Variants in LHFPL3 observed in about 807,000 individuals in gnomAD.
LHFPL3 encodes LHFPL tetraspan subfamily member 3 protein.
A neutral mutation model predicts 19.3 loss-of-function variants in LHFPL3; 5 were observed. The ratio of observed to expected loss-of-function variants is 0.26; its 90% confidence interval spans 0.14 to 0.54. The LOEUF is 0.54. Among genes scored for constraint, LHFPL3 ranks in the 20% least tolerant of loss-of-function variants. LHFPL3 has a pLI of 0.94. For missense variants in LHFPL3, 249 were observed against 307.4 expected, an observed-to-expected ratio of 0.81 and a Z score of 1.42; for synonymous variants, 133 against 126.2, an observed-to-expected ratio of 1.05 and a Z score of -0.36.
chr7:104,445,001 AG>A (rs1792302946), intron 1 of LHFPL3, among the ~76,000 whole-genome samples: 1 of 151,968 alleles, frequency 6.6e-6, no homozygotes, highest in Admixed American at 6.6e-5. Flanking sequence ...AAAAAAAAAA[AG>A]AATATTTATC....
At chr7:104,658,349 C>T (rs1016833231) in intron 1 of LHFPL3, among the ~76,000 whole-genome samples, 5 of 152,140 alleles carry the variant, frequency 3.3e-5, no homozygotes, top group Non-Finnish European at 7.4e-5. Context: ...CTTTCTTTCT[C>T]TCTCTTTTTT....
chr7:104,677,882 G>A (rs914665213), intron 1 of LHFPL3, among the ~76,000 whole-genome samples: 1 of 152,210 alleles, frequency 6.6e-6, no homozygotes, highest in African/African-American at 2.4e-5. Flanking sequence ...GGGAAACTGA[G>A]TTTTAATTTT....
At chr7:104,875,203 G>A (rs1024128083) in intron 2 of LHFPL3, among the ~76,000 whole-genome samples, 21 of 151,682 alleles carry the variant, frequency 1.4e-4, no homozygotes, top group Non-Finnish European at 2.9e-4. Context: ...TGTTTCATAA[G>A]ATGAAATGCT....
At chr7:104,489,334 C>T (rs1235353226) in intron 1 of LHFPL3, among the ~76,000 whole-genome samples, 1 of 36,570 alleles carries the variant, frequency 2.7e-5, no homozygotes, top group African/African-American at 6.6e-5. Flanking sequence ...CCGCCCGCCT[C>T]GGCCTCCCAA....
intron 1 of LHFPL3, among the ~76,000 whole-genome samples, chr7:104,554,061 G>C (rs957724412): frequency 2.6e-5 from 4 of 152,148 alleles, no homozygotes; most frequent in African/African-American, 9.7e-5. Context: ...TGTCAGTAAA[G>C]AACTTCCGAT....
chr7:104,777,729 G>A (rs116447313), intron 2 of LHFPL3, among the ~76,000 whole-genome samples: 5 of 152,136 alleles, frequency 3.3e-5, no homozygotes, highest in Admixed American at 6.5e-5. Flanking sequence ...TACAATGCTC[G>A]GTTCAGTTGC....
intron 1 of LHFPL3, among the ~76,000 whole-genome samples, chr7:104,672,361 T>A (rs1479165229): frequency 6.6e-6 from 1 of 152,196 alleles, no homozygotes; most frequent in African/African-American, 2.4e-5. Flanking sequence ...AGGTTTCCCC[T>A]TTTGGGAACT....
chr7:104,724,738 A>G (rs1219722244), intron 1 of LHFPL3, among the ~76,000 whole-genome samples: 1 of 152,104 alleles, frequency 6.6e-6, no homozygotes, highest in African/African-American at 2.4e-5. Flanking sequence ...AAACCTCCAC[A>G]TGTACCCCTG....
intron 2 of LHFPL3, among the ~76,000 whole-genome samples, chr7:104,837,810 T>C (rs1791126589): frequency 6.6e-6 from 1 of 152,152 alleles, no homozygotes; most frequent in South Asian, 2.1e-4. Context: ...GCTGCCACAT[T>C]CCAGTGCCAT....
intron 1 of LHFPL3, among the ~76,000 whole-genome samples, chr7:104,647,497 G>T (rs1215640939): frequency 6.6e-6 from 1 of 152,202 alleles, no homozygotes; most frequent in Admixed American, 6.5e-5. Flanking sequence ...TCTTCCTGTT[G>T]TTGCATTGGT....
At chr7:104,858,703 T>G (rs73184007) in intron 2 of LHFPL3, among the ~76,000 whole-genome samples, 14,780 of 152,196 alleles carry the variant, frequency 0.097, 930 homozygotes, top group Non-Finnish European at 0.15. Flanking sequence ...TATATTCTCA[T>G]CTCTGTATCT....
chr7:104,519,654 C>T (rs887516805), intron 1 of LHFPL3, among the ~76,000 whole-genome samples: 1 of 152,052 alleles, frequency 6.6e-6, no homozygotes, highest in Non-Finnish European at 1.5e-5. Flanking sequence ...CATTTTTATT[C>T]TTTTTCCCAT....
At chr7:104,600,481 TG>T (rs1287708793) in intron 1 of LHFPL3, among the ~76,000 whole-genome samples, 4 of 152,230 alleles carry the variant, frequency 2.6e-5, no homozygotes, top group African/African-American at 4.8e-5. Context: ...CCAGAGCCAC[TG>T]GGGGCCATTA....
At chr7:104,812,238 G>A (rs926628847) in intron 2 of LHFPL3, among the ~76,000 whole-genome samples, 1 of 152,202 alleles carries the variant, frequency 6.6e-6, no homozygotes, top group Non-Finnish European at 1.5e-5. Flanking sequence ...TGCTGAAAGA[G>A]AGCCAGCAGC....
intron 1 of LHFPL3, among the ~76,000 whole-genome samples, chr7:104,485,981 C>T (rs1233577539): frequency 6.6e-6 from 1 of 152,196 alleles, no homozygotes; most frequent in Non-Finnish European, 1.5e-5. Flanking sequence ...AGGTAAACGT[C>T]TTCAGTAATC....
At chr7:104,671,820 C>T (rs1792488542) in intron 1 of LHFPL3, among the ~76,000 whole-genome samples, 1 of 152,256 alleles carries the variant, frequency 6.6e-6, no homozygotes, top group South Asian at 2.1e-4. Flanking sequence ...ATATTCCTAA[C>T]AACCCAGCAA....
intron 2 of LHFPL3, among the ~76,000 whole-genome samples, chr7:104,869,857 G>A (rs796745959): frequency 1.4e-4 from 21 of 152,200 alleles, no homozygotes; most frequent in Middle Eastern, 3.4e-3. Context: ...TCCAACAATG[G>A]TAGACTGGAT....
At chr7:104,882,351 G>A (rs986605406) in intron 2 of LHFPL3, among the ~76,000 whole-genome samples, 3 of 152,148 alleles carry the variant, frequency 2.0e-5, no homozygotes, top group East Asian at 1.9e-4. Context: ...AGGTTCCAGC[G>A]ATTCTCCCGC....
chr7:104,659,708 A>G (rs1432770379), intron 1 of LHFPL3, among the ~76,000 whole-genome samples: 1 of 152,128 alleles, frequency 6.6e-6, no homozygotes, highest in Non-Finnish European at 1.5e-5. Context: ...AGGCCTTCAC[A>G]TTTGCGACTT....
Sources: allele counts gnomAD v4.1 joint callset (sites outside exome capture counted in the v4.1 genomes callset), GRCh38; gene constraint gnomAD v4.1.1; transcripts MANE v1.5; gene names NCBI Gene and HGNC (gene_info 2026-07-23, HGNC 2026-07-21).